The following USP32 variants were observed in gnomAD, a reference collection of about 807,000 sequenced individuals.
USP32 encodes ubiquitin specific peptidase 32.
In USP32, 59 loss-of-function variants were observed where a neutral mutation model predicts 204.8. The observed-to-expected ratio is 0.29, with a 90% confidence interval of 0.23 to 0.36. The LOEUF (loss-of-function observed/expected upper bound fraction) is 0.36, where lower values mean the gene tolerates loss of function less well. Ranked by LOEUF, USP32 falls within the 10% of genes least tolerant of loss-of-function variation. USP32 has a pLI of 1.00. For missense variants in USP32, 1,160 were observed against 1,946.4 expected, an observed-to-expected ratio of 0.60 and a Z score of 7.60; for synonymous variants, 517 against 678.4, an observed-to-expected ratio of 0.76 and a Z score of 3.70.
chr17:60,360,619 G>C (rs1045040545), intron 1 of USP32, among the ~76,000 whole-genome samples: 5 of 151,928 alleles, frequency 3.3e-5, no homozygotes, highest in Admixed American at 3.3e-4. Flanking sequence ...AGGTTGCAGT[G>C]AGCTGAGATT....
chr17:60,265,520 T>A (rs2086568562), intron 8 of USP32, 46 bp from the exon 9 acceptor site: 1 of 1,297,686 alleles, frequency 7.7e-7, no homozygotes, highest in South Asian at 1.2e-5. Flanking sequence ...GTGAATATAC[T>A]TTTAATTTTG....
At chr17:60,402,847 T>C (rs140735257) in intron 1 of USP32, among the ~76,000 whole-genome samples, 2 of 152,248 alleles carry the variant, frequency 1.3e-5, no homozygotes, top group East Asian at 3.9e-4. Flanking sequence ...CTCACTCATG[T>C]CTGCCAGTTG....
chr17:60,255,032 G>A (rs2086258496), intron 10 of USP32, 143 bp downstream of exon 10: 3 of 563,710 alleles, frequency 5.3e-6, no homozygotes, highest in Non-Finnish European at 3.0e-6. Context: ...CCATCTTTCA[G>A]ACGAGTAATG....
intron 1 of USP32, among the ~76,000 whole-genome samples, chr17:60,391,470 G>A (rs892947371): frequency 6.6e-6 from 1 of 152,102 alleles, no homozygotes; most frequent in African/African-American, 2.4e-5. Flanking sequence ...TTCCAGCTAA[G>A]GCTGTTAGGA....
In USP32 at chr17:60,198,332, G is replaced by C. The variant is rs202121527; in HGVS notation, c.3362C>G (p.Ala1121Gly). 64 of 1,614,014 alleles carry C rather than the reference G, an allele frequency of 4.0e-5. No individual in the cohort carries two copies. Among genetic ancestry groups the C allele is most frequent in the Non-Finnish European group, 5.3e-5 (63 of 1,180,020 alleles). The change falls in exon 27 of 34, where the codon GCG becomes GGG. Residue 1121 changes from alanine (A) to glycine (G), a missense_variant. This residue lies in a region of USP32 where 160 missense variants were observed against 322.5 expected (regional missense o/e 0.50). Coordinates refer to ENST00000300896, the MANE Select transcript of USP32 (RefSeq NM_032582.4). Reference sequence around the variant, plus strand: ...TAACCGGGATACTTGAATCCAAACCGCATCATATAGGTCTTTCTTCCGGGT... The same window carrying C: ...TAACCGGGATACTTGAATCCAAACCCCATCATATAGGTCTTTCTTCCGGGT... ...VHTRKKDLYD[A>G]VWIQVSRLAS...
At chr17:60,263,366 A>G (rs2145755854) in intron 9 of USP32, among the ~76,000 whole-genome samples, 1 of 152,358 alleles carries the variant, frequency 6.6e-6, no homozygotes, top group South Asian at 2.1e-4. Flanking sequence ...TAGTCAACAG[A>G]TGAATTAGAT....
At position 60,223,589 on chromosome 17, in the gene USP32, A is replaced by G. The variant is rs1257081025; in HGVS notation, c.1433-3T>C. 3 of 1,579,584 alleles carry G rather than the reference A, an allele frequency of 1.9e-6. No individual in the cohort carries two copies. The highest frequency in any genetic ancestry group is 2.1e-5 in the Admixed American group (1 of 47,948). On this transcript the variant is annotated splice_polypyrimidine_tract_variant and splice_region_variant and intron_variant, in intron 13 of 33. Coordinates refer to ENST00000300896, the MANE Select transcript of USP32 (RefSeq NM_032582.4). ...TGGTGTGGCAGAATACAGAAAGCCT[A>G]TAAAAAAAAAAGAGGATAGAATCTC...
chr17:60,207,828 A>T lies in USP32; in HGVS notation c.2925+231T>A, dbSNP rs529525928. 9.4e-4 allele frequency: 514 copies of T among 547,498 alleles called. 3 individuals are homozygous for T. The African/African-American group carries it at 9.6e-3, about 10-fold the overall frequency. The allele number at this position is 547,498 out of a possible 1,614,324, so 33.9% of individuals were successfully genotyped here. The stretch of plus-strand genomic sequence containing the variant: ...TAGAACACTCCATATAGGCAGCCTT[A>T]CGTATTTCCCTTCTTCAAAAATACC... On this transcript the variant is annotated intron_variant, in intron 24 of 33. Coordinates refer to ENST00000300896, the MANE Select transcript of USP32 (RefSeq NM_032582.4).
intron 4 of USP32, among the ~76,000 whole-genome samples, chr17:60,289,000 TG>T (rs1319836351): frequency 6.6e-6 from 1 of 152,188 alleles, no homozygotes; most frequent in African/African-American, 2.4e-5. Flanking sequence ...AACTGCATTT[TG>T]TTTTTTGTTT....
At chr17:60,286,321 G>T (rs2087110170) in intron 5 of USP32, among the ~76,000 whole-genome samples, 1 of 152,134 alleles carries the variant, frequency 6.6e-6, no homozygotes. Context: ...CGGATGTAAT[G>T]AATTAAGGAT....
chr17:60,255,988 T>C (rs1052872575), intron 9 of USP32, among the ~76,000 whole-genome samples: 2 of 152,116 alleles, frequency 1.3e-5, no homozygotes, highest in Non-Finnish European at 2.9e-5. Flanking sequence ...ACTTGCAGAA[T>C]CACTGAAGTG....
chr17:60,222,171 G>A (rs1267692462), intron 15 of USP32, among the ~76,000 whole-genome samples: 2 of 152,116 alleles, frequency 1.3e-5, no homozygotes, highest in African/African-American at 4.8e-5. Context: ...CATATCCTAG[G>A]TGATGTCTAC....
intron 27 of USP32, among the ~76,000 whole-genome samples, chr17:60,194,521 CT>C (rs2084465560): frequency 6.6e-6 from 1 of 152,212 alleles, no homozygotes; most frequent in Non-Finnish European, 1.5e-5. Flanking sequence ...AGGTACATAT[CT>C]TCTTTACTCA....
chr17:60,391,943 C>T lies in USP32; in HGVS notation c.-4G>A, dbSNP rs780828127. On this transcript the variant is annotated 5_prime_UTR_variant, in exon 1 of 34. Coordinates refer to ENST00000300896, the MANE Select transcript of USP32 (RefSeq NM_032582.4). ...TCCGTGACTCCTTGGCACCCATGCT[C>T]CCCTCATCCCCTCGGCGGGGGGTCG... 20 of 1,610,908 alleles carry T rather than the reference C, an allele frequency of 1.2e-5. No individual in the cohort carries two copies. Among genetic ancestry groups the T allele is most frequent in the Non-Finnish European group, 1.7e-5 (20 of 1,178,788 alleles).
intron 29 of USP32, among the ~76,000 whole-genome samples, 157 bp downstream of exon 29, chr17:60,190,397 GAAAAAGCTC>G (rs2084349912): frequency 6.6e-6 from 1 of 152,214 alleles, no homozygotes; most frequent in Admixed American, 6.5e-5. Context: ...GTTGGAAAAT[GAAAAAGCTC>G]AAGCAAACAT....
intron 26 of USP32, among the ~76,000 whole-genome samples, chr17:60,204,799 G>A (rs1224648701): frequency 6.6e-6 from 1 of 150,836 alleles, no homozygotes; most frequent in Non-Finnish European, 1.5e-5. Context: ...TTCTTTTTCA[G>A]ACAGGGTCTT....
At chr17:60,207,973 A>G in intron 24 of USP32, 86 bp downstream of exon 24, 1 of 1,462,464 alleles carries the variant, frequency 6.8e-7, no homozygotes. Context: ...TCTTGGTCAC[A>G]TAACCTAACA....
intron 4 of USP32, among the ~76,000 whole-genome samples, chr17:60,290,051 G>A (rs1434823962): frequency 6.6e-6 from 1 of 152,122 alleles, no homozygotes; most frequent in African/African-American, 2.4e-5. Flanking sequence ...CATACAAATT[G>A]GGTCATTCTT....
At chr17:60,342,495 T>C (rs1332842827) in intron 2 of USP32, among the ~76,000 whole-genome samples, 1 of 152,254 alleles carries the variant, frequency 6.6e-6, no homozygotes, top group Non-Finnish European at 1.5e-5. Context: ...CTGCAGAAGT[T>C]GTCTGCTGCA....
Sources: allele counts gnomAD v4.1 joint callset (sites outside exome capture counted in the v4.1 genomes callset), GRCh38; gene constraint gnomAD v4.1.1; regional missense constraint gnomAD v4.1.1; transcripts MANE v1.5; gene names NCBI Gene and HGNC (gene_info 2026-07-23, HGNC 2026-07-21).